SPATA4: variants seen among roughly 807,000 people sequenced by gnomAD.
SPATA4 encodes spermatogenesis associated 4.
Under a neutral mutation model 31.8 loss-of-function variants are expected in SPATA4, and 35 were observed. The ratio of observed to expected loss-of-function variants is 1.10; its 90% CI spans 0.84 to 1.46. The LOEUF (loss-of-function observed/expected upper bound fraction) is 1.46, where lower values mean the gene tolerates loss of function less well. Ranked by LOEUF, SPATA4 falls within the 40% of genes most tolerant of loss-of-function variation. The pLI, the probability that SPATA4 is intolerant of heterozygous loss-of-function variation, is 0.00. For missense variants in SPATA4, 394 were observed against 363.1 expected (o/e 1.09, Z -0.69); for synonymous variants, 126 against 132.4 (o/e 0.95, Z 0.33).
chr4:176,193,769 G>A, intron 1 of SPATA4, 187 bp from the exon 2 acceptor site: 1 of 523,934 alleles, frequency 1.9e-6, no homozygotes, highest in East Asian at 3.8e-5. Context: ...CAAAGGCTTT[G>A]GTGTTCTTTT....
chr4:176,186,853 G>A (rs1752450042), intron 5 of SPATA4, among the ~76,000 whole-genome samples: 1 of 151,850 alleles, frequency 6.6e-6, no homozygotes, highest in Non-Finnish European at 1.5e-5. Context: ...TTAAAAAAAG[G>A]AACATTGGCA....
rs142174922 is a variant in SPATA4 at position 176,195,434 on chromosome 4, C to A, written c.129G>T (p.Pro43=). ...RGRPKKCLVY[P]HAPKSSRLSR... ...ACAAGCGGGAGCTCTTCGGCGCATG[C>A]GGATAGACCAGACACTTCTTAGGCC... Residue 43 remains proline (P), a synonymous_variant, in exon 1 of 6, where the codon CCG becomes CCT. Coordinates refer to ENST00000280191, the MANE Select transcript of SPATA4 (RefSeq NM_144644.4). 1.6e-5 allele frequency: 26 copies of A among 1,614,140 alleles called. No homozygotes were observed. The highest frequency in any genetic ancestry group is 1.2e-4 in the Admixed American group (7 of 60,012).
At chr4:176,187,035 G>C (rs1752454458) in intron 5 of SPATA4, among the ~76,000 whole-genome samples, 1 of 152,272 alleles carries the variant, frequency 6.6e-6, no homozygotes, top group South Asian at 2.1e-4. Context: ...AGGACACCTA[G>C]TTAAATTTGA....
rs928305151 is a variant in SPATA4 at position 176,195,343 on chromosome 4, A to G, written c.218+2T>C. On this transcript the variant is annotated splice_donor_variant, in intron 1 of 5. Coordinates refer to ENST00000280191, the MANE Select transcript of SPATA4 (RefSeq NM_144644.4). LOFTEE classifies it high-confidence loss of function. ...GGGCCTAGGACTGGCTTACTCAAGC[A>G]CCTGTTGATGTTCCTGGGGAAGAAG... 2.5e-6 allele frequency: 4 copies of G among 1,613,862 alleles called. No individual in the cohort carries two copies. The highest frequency in any genetic ancestry group is 3.4e-6 in the Non-Finnish European group (4 of 1,180,004).
Position 176,195,575 on chromosome 4 carries a change from G to C in SPATA4, c.-13C>G, listed in dbSNP as rs1752609659. ...CGGCGGCAGCCATGACGCTTTCTGG[G>C]TTGCTGCGGCAACAGCAGAAGGCGG... On this transcript the variant is annotated 5_prime_UTR_variant, in exon 1 of 6. Coordinates refer to ENST00000280191, the MANE Select transcript of SPATA4 (RefSeq NM_144644.4). 2 of 1,613,132 alleles carry C rather than the reference G, an allele frequency of 1.2e-6. No homozygotes were observed. The highest frequency in any genetic ancestry group is 1.3e-5 in the African/African-American group (1 of 75,046).
intron 1 of SPATA4, 170 bp from the exon 2 acceptor site, chr4:176,193,752 T>C: frequency 1.6e-6 from 1 of 610,490 alleles, no homozygotes; most frequent in Non-Finnish European, 2.5e-6. Context: ...TAAGATTATC[T>C]ACGTTTCAAA....
rs763429625 is a variant in SPATA4, at chr4:176,195,313, C to CG, written c.218+31dup. The CG allele has an allele frequency of 3.2e-4, 507 of 1,603,138 alleles. 3 individuals are homozygous for CG. The highest frequency in any genetic ancestry group is 1.7e-4 in the Middle Eastern group (1 of 6,060). Reference sequence around the variant, plus strand: ...GGCGGAAAGCAGGCGGGGCGCCCACCGGGGGGGCCTAGGACTGGCTTACTC... The same window carrying CG: ...GGCGGAAAGCAGGCGGGGCGCCCACCGGGGGGGGCCTAGGACTGGCTTACTC... On this transcript the variant is annotated intron_variant, in intron 1 of 5. Transcript: ENST00000280191.
intron 5 of SPATA4, among the ~76,000 whole-genome samples, chr4:176,186,781 A>G (rs553581227): frequency 6.6e-6 from 1 of 152,314 alleles, no homozygotes; most frequent in East Asian, 1.9e-4. Flanking sequence ...CTCCCCTTTA[A>G]TATTTACAAT....
Position 176,184,679 on chromosome 4 carries a change from CTATT to C in SPATA4, c.*97_*100del. 3.5e-6 allele frequency: 2 copies of C among 564,538 alleles called. No individual in the cohort carries two copies. Among genetic ancestry groups the C allele is most frequent in the South Asian group, 4.2e-5 (1 of 23,688 alleles). The allele number at this position is 564,538 out of a possible 1,614,324, so 35.0% of individuals were successfully genotyped here. ...ACACAATTATGGAAAAGACACCACT[CTATT>C]TATTATTGAAATACATCCAATACTA... On this transcript the variant is annotated 3_prime_UTR_variant, in exon 6 of 6. Coordinates refer to ENST00000280191, the MANE Select transcript of SPATA4 (RefSeq NM_144644.4).
At chr4:176,188,355 G>A in intron 4 of SPATA4, 120 bp from the exon 5 acceptor site, 1 of 656,762 alleles carries the variant, frequency 1.5e-6, no homozygotes, top group Non-Finnish European at 2.6e-6. Flanking sequence ...ATATTCCTGA[G>A]TAGTGTGAAT....
Position 176,192,753 on chromosome 4 carries a change from T to C in SPATA4, c.562A>G (p.Ile188Val), listed in dbSNP as rs752920779. Residue 188 changes from isoleucine (I) to valine (V), a missense_variant, in exon 4 of 6, where the codon ATT becomes GTT. Ile to Val is a conservative substitution (Grantham distance 29). Transcript: ENST00000280191. ...TCTGATAACCTAATGTTATCTTTAATAGACTTCGAAACTGTAGACCTGGAA... is the reference window on the plus strand; with the variant it reads ...TCTGATAACCTAATGTTATCTTTAACAGACTTCGAAACTGTAGACCTGGAA... ...LVSRSTVSKS[I>V]KDNIRLSELL... The C allele has an allele frequency of 4.3e-6, 7 of 1,614,154 alleles. No homozygotes were observed. The East Asian group carries it at 6.7e-5, about 15-fold the overall frequency.
rs1486797646 is a variant in SPATA4 at position 176,195,425 on chromosome 4, C to T, written c.138G>A (p.Pro46=). Residue 46 remains proline (P), a synonymous_variant, in exon 1 of 6, where the codon CCG becomes CCA. Transcript: ENST00000280191. ...PKKCLVYPHA[P]KSSRLSRSVL... Reference sequence around the variant, plus strand: ...CGGAACGAGACAAGCGGGAGCTCTTCGGCGCATGCGGATAGACCAGACACT... The same window carrying T: ...CGGAACGAGACAAGCGGGAGCTCTTTGGCGCATGCGGATAGACCAGACACT... 1 of 1,614,254 alleles carries T rather than the reference C, an allele frequency of 6.2e-7. No homozygotes were observed.
intron 4 of SPATA4, 33 bp from the exon 5 acceptor site, chr4:176,188,268 A>G: frequency 7.1e-7 from 1 of 1,412,118 alleles, no homozygotes; most frequent in East Asian, 2.3e-5. Context: ...TTATTTCTTA[A>G]AAAGCCATAA....
At chr4:176,189,894 C>A (rs763217881) in intron 4 of SPATA4, among the ~76,000 whole-genome samples, 14 of 152,188 alleles carry the variant, frequency 9.2e-5, no homozygotes, top group Non-Finnish European at 1.8e-4. Flanking sequence ...TTCAGCAAGA[C>A]CCCTGTCTCA....
Position 176,188,235 on chromosome 4 carries a change from T to G in SPATA4, c.689A>C (p.Glu230Ala), listed in dbSNP as rs188044584. The change falls in exon 5 of 6, where the codon GAA (glutamate) becomes GCA (alanine). Residue 230 changes from glutamate (E) to alanine (A), a missense_variant and splice_region_variant. Physicochemically the swap from Glu to Ala is moderately radical, Grantham distance 107. Transcript: ENST00000280191. ...QRKLGRKLNP[E>A]WFDVKPTVGE... ...CACTGTTGGTTTCACATCAAACCAT[T>G]CTATAAAATATGAACACAAAAGTTA... 138 of 1,585,672 alleles carry G rather than the reference T, an allele frequency of 8.7e-5. No homozygotes were observed. In the East Asian group the frequency reaches 1.4e-3, roughly 16 times the overall value.
intron 4 of SPATA4, 35 bp downstream of exon 4, chr4:176,192,591 CT>C: frequency 1.3e-6 from 2 of 1,558,342 alleles, no homozygotes; most frequent in Non-Finnish European, 1.8e-6. Flanking sequence ...CCTGATAGAG[CT>C]TGGAAGAACT....
Position 176,184,777 on chromosome 4 carries a change from T to C in SPATA4, c.*3A>G. The C allele has an allele frequency of 6.3e-7, 1 of 1,576,322 alleles. No individual in the cohort carries two copies. The highest frequency in any genetic ancestry group is 2.3e-5 in the East Asian group (1 of 43,116). On this transcript the variant is annotated 3_prime_UTR_variant, in exon 6 of 6. Transcript: ENST00000280191. The stretch of plus-strand genomic sequence containing the variant: ...TTCTTCAAAGCCATTTGACAGGTGC[T>C]TTTCAAGGTTTCTTGTCCATGTTTC...
intron 5 of SPATA4, among the ~76,000 whole-genome samples, chr4:176,185,693 A>G (rs916081491): frequency 1.3e-5 from 2 of 152,238 alleles, no homozygotes; most frequent in African/African-American, 4.8e-5. Context: ...AAATTTAGAA[A>G]AAATTATTTA....
chr4:176,187,589 G>A (rs1166553793), intron 5 of SPATA4, among the ~76,000 whole-genome samples: 1 of 152,136 alleles, frequency 6.6e-6, no homozygotes, highest in Non-Finnish European at 1.5e-5. Flanking sequence ...GGGTGACAGA[G>A]TGAGACTCCG....
Sources: allele counts gnomAD v4.1 joint callset (sites outside exome capture counted in the v4.1 genomes callset), GRCh38; gene constraint gnomAD v4.1.1; transcripts MANE v1.5; gene names NCBI Gene and HGNC (gene_info 2026-07-23, HGNC 2026-07-21).